EPHA3: variants seen among roughly 807,000 people sequenced by gnomAD.
EPHA3 encodes the protein EPH receptor A3.
Under a neutral mutation model 107.1 loss-of-function variants are expected in EPHA3, and 42 were observed. The observed-to-expected ratio is 0.39, with a 90% confidence interval of 0.31 to 0.51. EPHA3 has a LOEUF of 0.51. EPHA3 is among the 20% of genes least tolerant of loss of function. EPHA3 has a pLI of 0.78. For missense variants in EPHA3, 1,183 were observed against 1,211.2 expected, an observed-to-expected ratio of 0.98 and a Z score of 0.35; for synonymous variants, 461 against 424.8, an observed-to-expected ratio of 1.09 and a Z score of -1.05.
chr3:89,176,887 A>T (rs1243946993), intron 2 of EPHA3, among the ~76,000 whole-genome samples: 1 of 152,222 alleles, frequency 6.6e-6, no homozygotes, highest in East Asian at 1.9e-4. Context: ...GGAGATTAAA[A>T]TAAATACATG....
rs965989456 is a variant in EPHA3, at chr3:89,438,554, A to G, written c.2346+7195A>G. On this transcript the variant is annotated intron_variant, in intron 13 of 16. Coordinates refer to ENST00000336596, the MANE Select transcript of EPHA3 (RefSeq NM_005233.6). Reference sequence around the variant, plus strand: ...AAAACAGGAGCCTTTGTTCTGTAACATTTTCAAGAACCAAAAAAACCATGC... The same window carrying G: ...AAAACAGGAGCCTTTGTTCTGTAACGTTTTCAAGAACCAAAAAAACCATGC... 6.6e-5 allele frequency among the ~76,000 whole-genome samples: 10 copies of G among 152,272 alleles called. No individual in the cohort carries two copies. In the South Asian group the frequency reaches 8.3e-4, roughly 13 times the overall value.
intron 3 of EPHA3, among the ~76,000 whole-genome samples, chr3:89,298,880 T>C (rs950704871): frequency 6.6e-6 from 1 of 152,106 alleles, no homozygotes; most frequent in African/African-American, 2.4e-5. Flanking sequence ...GATAATTATA[T>C]GTTTAGAGAC....
intron 7 of EPHA3, chr3:89,400,460 TCTC>T (rs1708938340): frequency 6.6e-6 from 1 of 152,374 alleles, no homozygotes; most frequent in Non-Finnish European, 1.5e-5. Flanking sequence ...ATGGTCTTGA[TCTC>T]CTGACCTCGT....
chr3:89,446,841 G>A (rs1339755711), intron 13 of EPHA3, among the ~76,000 whole-genome samples: 1 of 151,888 alleles, frequency 6.6e-6, no homozygotes, highest in Admixed American at 6.6e-5. Context: ...TCAGTAATTT[G>A]GTTCTGGAAA....
chr3:89,310,001 A>T (rs752795129), intron 3 of EPHA3, among the ~76,000 whole-genome samples: 12 of 151,978 alleles, frequency 7.9e-5, no homozygotes, highest in Non-Finnish European at 1.5e-4. Context: ...CCTCAGAATT[A>T]AGATTCTTAT....
rs1317503899 is a variant in EPHA3 at position 89,429,138 on chromosome 3, G to C, written c.2107G>C (p.Glu703Gln). ...KPVMIVTEYMENGSLDSFLRK... is the reference protein window; with the variant it reads ...KPVMIVTEYMQNGSLDSFLRK... The stretch of plus-strand genomic sequence containing the variant: ...AGTTATGATTGTCACAGAATACATG[G>C]AGAATGGTTCCTTGGATAGTTTCCT... The change falls in exon 12 of 17, where the codon GAG (glutamate) becomes CAG (glutamine). Residue 703 changes from glutamate to glutamine, a missense_variant. Transcript: ENST00000336596. 2 of 1,610,686 alleles carry C rather than the reference G, an allele frequency of 1.2e-6. No homozygotes were observed. The highest frequency in any genetic ancestry group is 1.7e-6 in the Non-Finnish European group (2 of 1,177,696).
At chr3:89,326,015 G>T (rs1420278564) in intron 3 of EPHA3, among the ~76,000 whole-genome samples, 1 of 150,902 alleles carries the variant, frequency 6.6e-6, no homozygotes, top group Non-Finnish European at 1.5e-5. Context: ...TATAATTAAA[G>T]ATTTTGTTTT....
chr3:89,272,504 A>G (rs1036581385), intron 3 of EPHA3, among the ~76,000 whole-genome samples: 2 of 151,968 alleles, frequency 1.3e-5, no homozygotes, highest in African/African-American at 4.8e-5. Context: ...AGAAATTTTA[A>G]TCCATTAAGA....
In EPHA3 at chr3:89,426,476, C is replaced by T. The variant is rs149653275; in HGVS notation, c.2075-2630C>T. On this transcript the variant is annotated intron_variant, in intron 11 of 16. Transcript: ENST00000336596. ...AATGCAAAGCACATTTTCAGACTTG[C>T]CCATCTTAACTGATGTGTTTACAAA... 9.7e-3 allele frequency among the ~76,000 whole-genome samples: 1,475 copies of T among 151,866 alleles called. 27 individuals are homozygous for T. The highest frequency in any genetic ancestry group is 0.034 in the African/African-American group (1,411 of 41,512).
At chr3:89,192,242 T>C (rs551952586) in intron 2 of EPHA3, among the ~76,000 whole-genome samples, 1 of 152,260 alleles carries the variant, frequency 6.6e-6, no homozygotes, top group South Asian at 2.1e-4. Context: ...TATAATATTT[T>C]GTTCTAGAAA....
intron 15 of EPHA3, 137 bp from the exon 16 acceptor site, chr3:89,472,327 A>G (rs1381738243): frequency 2.1e-6 from 2 of 937,192 alleles, no homozygotes; most frequent in Non-Finnish European, 3.2e-6. Context: ...TGAAGCTTTC[A>G]TGGCAGATAA....
At chr3:89,451,241 C>G (rs543271804) in intron 15 of EPHA3, among the ~76,000 whole-genome samples, 1 of 152,164 alleles carries the variant, frequency 6.6e-6, no homozygotes, top group South Asian at 2.1e-4. Flanking sequence ...GGTTAAGAAT[C>G]ACTGAGTTCT....
Position 89,357,106 on chromosome 3 carries a change from C to CAAAAA in EPHA3, c.1306+15042_1306+15046dup, listed in dbSNP as rs56717904. 6.2e-3 allele frequency among the ~76,000 whole-genome samples: 100 copies of CAAAAA among 16,002 alleles called. 13 individuals are homozygous for CAAAAA. The highest frequency in any genetic ancestry group is 0.011 in the African/African-American group (50 of 4,706). 10.5% of individuals were successfully genotyped at this position (16,002 alleles called of 152,430 possible). On this transcript the variant is annotated intron_variant, in intron 5 of 16. Coordinates refer to ENST00000336596, the MANE Select transcript of EPHA3 (RefSeq NM_005233.6). Reference sequence around the variant, plus strand: ...CTGGTGAAAGAGTGAGACCCTGTCTCAAAAAAAAAAAAAAAAAAAAAAAAA... The same window carrying CAAAAA: ...CTGGTGAAAGAGTGAGACCCTGTCTCAAAAAAAAAAAAAAAAAAAAAAAAAAAAAA...
chr3:89,178,837 T>A lies in EPHA3; in HGVS notation c.154-31023T>A, dbSNP rs558369787. Among the ~76,000 whole-genome samples the A allele has an allele frequency of 3.3e-5, 5 of 152,066 alleles. No individual in the cohort carries two copies. In the East Asian group the frequency reaches 9.7e-4, roughly 29 times the overall value. ...AGTGTTTTATATCAGTTACTGCTTATAACTAGCATCTGAATCTTGAGAATA... is the reference window on the plus strand; with the variant it reads ...AGTGTTTTATATCAGTTACTGCTTAAAACTAGCATCTGAATCTTGAGAATA... On this transcript the variant is annotated intron_variant, in intron 2 of 16. Coordinates refer to ENST00000336596, the MANE Select transcript of EPHA3 (RefSeq NM_005233.6).
chr3:89,481,010 A>G lies in EPHA3; in HGVS notation c.*1508A>G, dbSNP rs986479538. On this transcript the variant is annotated 3_prime_UTR_variant, in exon 17 of 17. Coordinates refer to ENST00000336596, the MANE Select transcript of EPHA3 (RefSeq NM_005233.6). ...GAGCTTGCTCATTAATTTTGAAAAG[A>G]TGTACCTGGTGGATATCTAGCTAGT... is the stretch of plus-strand genomic sequence containing the variant. 2.2e-5 allele frequency: 5 copies of G among 231,768 alleles called. No individual in the cohort carries two copies. The Admixed American group carries it at 2.8e-4, about 13-fold the overall frequency. The allele number at this position is 231,768 out of a possible 1,614,324, so 14.4% of individuals were successfully genotyped here.
intron 2 of EPHA3, among the ~76,000 whole-genome samples, chr3:89,186,056 TTCTC>T (rs1282709270): frequency 6.6e-6 from 1 of 151,950 alleles, no homozygotes; most frequent in African/African-American, 2.4e-5. Context: ...TTTTTCTTCT[TTCTC>T]TGTCTCTCCT....
intron 5 of EPHA3, among the ~76,000 whole-genome samples, chr3:89,375,700 A>T (rs1288244120): frequency 6.6e-6 from 1 of 151,980 alleles, no homozygotes; most frequent in Non-Finnish European, 1.5e-5. Context: ...CCTCAGTCAT[A>T]CAGATTAAGT....
intron 13 of EPHA3, among the ~76,000 whole-genome samples, chr3:89,441,055 C>A (rs1022822073): frequency 6.6e-6 from 1 of 152,090 alleles, no homozygotes. Context: ...AGTCCATGAC[C>A]CTGTTTTTGA....
At chr3:89,108,744 T>C (rs778539319) in intron 1 of EPHA3, among the ~76,000 whole-genome samples, 22 of 152,300 alleles carry the variant, frequency 1.4e-4, no homozygotes, top group Middle Eastern at 6.8e-3. Flanking sequence ...ACATTTTCTT[T>C]CTCCTGTATT....
Sources: gnomAD v4.1 joint callset for allele counts (sites outside exome capture counted in the v4.1 genomes callset) on GRCh38, gnomAD v4.1.1 for gene constraint, MANE v1.5 for transcripts, NCBI Gene and HGNC (gene_info 2026-07-23, HGNC 2026-07-21) for gene names.